CELF1: variants seen among roughly 807,000 people sequenced by gnomAD.
CELF1 encodes 50 kDa nuclear polyadenylated RNA-binding protein.
In CELF1, 10 loss-of-function variants were observed where a neutral mutation model predicts 61.8. The ratio of observed to expected loss-of-function variants is 0.16; its 90% CI spans 0.10 to 0.27. The LOEUF is 0.27. Among genes scored for constraint, CELF1 ranks in the 10% least tolerant of loss-of-function variants. The pLI, the probability that CELF1 is intolerant of heterozygous loss-of-function variation, is 1.00. For missense variants in CELF1, 380 were observed against 639.1 expected, an observed-to-expected ratio of 0.59 and a Z score of 4.37; for synonymous variants, 236 against 225.1, an observed-to-expected ratio of 1.05 and a Z score of -0.43.
At chr11:47,561,677 A>G (rs2097226034) in intron 2 of CELF1, among the ~76,000 whole-genome samples, 2 of 152,268 alleles carry the variant, frequency 1.3e-5, no homozygotes, top group African/African-American at 4.8e-5. Flanking sequence ...TTAGTCAAAT[A>G]TACAAGAGAA....
intron 1 of CELF1, among the ~76,000 whole-genome samples, chr11:47,542,417 C>G (rs972717601): frequency 6.6e-6 from 1 of 151,484 alleles, no homozygotes; most frequent in Admixed American, 6.6e-5. Flanking sequence ...AAAAGTGGCA[C>G]ATCAAATTTG....
intron 1 of CELF1, among the ~76,000 whole-genome samples, chr11:47,521,998 T>C (rs902465393): frequency 2.0e-5 from 3 of 151,606 alleles, no homozygotes; most frequent in African/African-American, 7.3e-5. Context: ...ACAACCTCCA[T>C]CTCCCGGATT....
chr11:47,558,565 TAA>T (rs1285872841), intron 2 of CELF1, among the ~76,000 whole-genome samples: 1 of 106,486 alleles, frequency 9.4e-6, no homozygotes, highest in Non-Finnish European at 1.8e-5. Context: ...TATTTATATA[TAA>T]TATATAAATA....
rs1351593192 is a variant in CELF1, at chr11:47,487,190, T to C, written c.311A>G (p.Asn104Ser). 1.2e-6 allele frequency: 2 copies of C among 1,612,662 alleles called. No homozygotes were observed. The highest frequency in any genetic ancestry group is 1.7e-6 in the Non-Finnish European group (2 of 1,179,858). The change falls in exon 5 of 15, where the codon AAT (asparagine) becomes AGT (serine). Residue 104 changes from asparagine to serine, a missense_variant. Coordinates refer to ENST00000687097, the MANE Select transcript of CELF1 (RefSeq NM_001376376.1). ...GAGGACTTTCATGTTGTGAAGAGCA[T>C]TCTGAGCTTCTAATGCAGCTTTACG... ...YTRKAALEAQ[N>S]ALHNMKVLPG...
In CELF1 at chr11:47,488,952, G is replaced by A; in HGVS notation, c.144C>T (p.Gly48=). 1 of 1,612,772 alleles carries A rather than the reference G, an allele frequency of 6.2e-7. No homozygotes were observed. The highest frequency in any genetic ancestry group is 1.3e-5 in the African/African-American group (1 of 74,820). ...TTTCAGACCAGGTCCTTGGAACCTG[G>A]CCCACAAACATCTTGATAGCATCAA... ...PDLDAIKMFV[G]QVPRTWSEKD... is the part of the protein sequence containing the mutation. The change falls in exon 4 of 15, where the codon GGC becomes GGT. Residue 48 remains glycine, a synonymous_variant. Coordinates refer to ENST00000687097, the MANE Select transcript of CELF1 (RefSeq NM_001376376.1).
chr11:47,519,936 C>G (rs1208761398), intron 1 of CELF1, among the ~76,000 whole-genome samples: 4 of 135,294 alleles, frequency 3.0e-5, no homozygotes, highest in Non-Finnish European at 6.8e-5. Context: ...TCAAATCACT[C>G]CTAAAAAAAC....
Position 47,466,228 on chromosome 11 carries a change from T to C in CELF1, c.*6002A>G, listed in dbSNP as rs1244856465. The C allele has an allele frequency of 6.6e-6, 1 of 151,960 alleles. No homozygotes were observed. Among genetic ancestry groups the C allele is most frequent in the African/African-American group, 2.4e-5 (1 of 41,362 alleles). 9.4% of individuals were successfully genotyped at this position (151,960 alleles called of 1,614,324 possible). A position where few individuals can be genotyped will look rare whatever the true frequency, so the allele number is the denominator to read the frequency against. On this transcript the variant is annotated 3_prime_UTR_variant, in exon 15 of 15. Coordinates refer to ENST00000687097, the MANE Select transcript of CELF1 (RefSeq NM_001376376.1). ...CTTTTTTTAAACCATTAAAGTAAAA[T>C]CCATAATTTTCTACAGAGTACAACA...
At chr11:47,545,822 T>G (rs986944717) in intron 1 of CELF1, among the ~76,000 whole-genome samples, 12 of 150,586 alleles carry the variant, frequency 8.0e-5, no homozygotes, top group African/African-American at 2.9e-4. Flanking sequence ...TGCACCACCA[T>G]GCCCAGCCCC....
chr11:47,545,867 C>G (rs960592638), intron 1 of CELF1, among the ~76,000 whole-genome samples: 2,414 of 121,518 alleles, frequency 0.02, 50 homozygotes, highest in African/African-American at 0.038. Context: ...GTGTGTGTGT[C>G]TGCGTGTGTG....
chr11:47,480,827 G>A (rs1447404881), intron 9 of CELF1, among the ~76,000 whole-genome samples: 1 of 152,112 alleles, frequency 6.6e-6, no homozygotes, highest in Admixed American at 6.6e-5. Flanking sequence ...TTGAGGTCGG[G>A]AGTTTGAGAC....
rs1487993019 is a variant in CELF1, at chr11:47,545,862, TGTGTCTGC to T, written c.-154+7122_-154+7129del. Among the ~76,000 whole-genome samples, 367 of 79,156 alleles carry T rather than the reference TGTGTCTGC, an allele frequency of 4.6e-3. 1 individual carries two copies. The highest frequency in any genetic ancestry group is 9.5e-3 in the African/African-American group (246 of 25,860). 51.9% of individuals were successfully genotyped at this position (79,156 alleles called of 152,430 possible). A position where few individuals can be genotyped will look rare whatever the true frequency, so the allele number is the denominator to read the frequency against. On this transcript the variant is annotated intron_variant, in intron 1 of 14. Transcript: ENST00000687097. ...TCTCATATGTATACGTGTGTGTGTG[TGTGTCTGC>T]GTGTGTGTGTGTGTGTGTGTGTGTG...
At chr11:47,487,282 C>T (rs1370644675) in intron 4 of CELF1, 41 bp from the exon 5 acceptor site, 1 of 1,487,886 alleles carries the variant, frequency 6.7e-7, no homozygotes, top group Non-Finnish European at 9.3e-7. Context: ...CTTTGGAAAG[C>T]AGAGAATTCC....
intron 1 of CELF1, among the ~76,000 whole-genome samples, chr11:47,541,589 C>T (rs994582573): frequency 1.3e-5 from 2 of 151,170 alleles, no homozygotes; most frequent in Non-Finnish European, 2.9e-5. Context: ...ACTTGGGAGG[C>T]TGAGGCAGGA....
intron 1 of CELF1, among the ~76,000 whole-genome samples, chr11:47,521,140 T>A (rs1003509908): frequency 1.3e-5 from 2 of 151,500 alleles, no homozygotes; most frequent in African/African-American, 4.9e-5. Flanking sequence ...TAGTCCCAGC[T>A]ACTCCGGAGG....
chr11:47,489,515 A>G (rs1162423745), intron 3 of CELF1, among the ~76,000 whole-genome samples: 2 of 152,158 alleles, frequency 1.3e-5, no homozygotes, highest in African/African-American at 4.8e-5. Flanking sequence ...CTTGATTTTC[A>G]AGGATTAAAC....
intron 1 of CELF1, among the ~76,000 whole-genome samples, chr11:47,547,833 A>C (rs1253882614): frequency 2.0e-5 from 3 of 152,176 alleles, no homozygotes; most frequent in Non-Finnish European, 4.4e-5. Flanking sequence ...GAAAATTCAC[A>C]GAAACAAAGA....
intron 8 of CELF1, 84 bp from the exon 9 acceptor site, chr11:47,482,940 T>A: frequency 3.3e-6 from 4 of 1,230,132 alleles, no homozygotes; most frequent in Non-Finnish European, 4.6e-6. Context: ...ACATGCAGGT[T>A]ACATTCTAAT....
At chr11:47,489,388 C>G (rs1490410459) in intron 3 of CELF1, among the ~76,000 whole-genome samples, 3 of 152,034 alleles carry the variant, frequency 2.0e-5, no homozygotes, top group African/African-American at 7.3e-5. Flanking sequence ...AAAACAAACA[C>G]TTAAAAAAAG....
upstream of CELF1, among the ~76,000 whole-genome samples, chr11:47,553,815 TA>T (rs1482242698): frequency 8.5e-5 from 10 of 117,546 alleles, no homozygotes; most frequent in African/African-American, 1.6e-4. Flanking sequence ...AATATATATA[TA>T]TATTTTTTTT....
Sources: gnomAD v4.1 joint callset for allele counts (sites outside exome capture counted in the v4.1 genomes callset) on GRCh38, gnomAD v4.1.1 for gene constraint, MANE v1.5 for transcripts, NCBI Gene and HGNC (gene_info 2026-07-23, HGNC 2026-07-21) for gene names.